The following P2RX3 variants were observed in gnomAD, a reference collection of about 807,000 sequenced individuals.
The protein encoded by P2RX3 is P2X purinoceptor 3.
In P2RX3, 41 loss-of-function variants were observed where a neutral mutation model predicts 51.5. That is an observed-to-expected ratio of 0.80 (90% CI 0.62 to 1.03). The LOEUF is 1.03. P2RX3 is among the 50% of genes least tolerant of loss of function. The pLI, the probability that P2RX3 is intolerant of heterozygous loss-of-function variation, is 0.00. For missense variants in P2RX3, 459 were observed against 522.1 expected, an observed-to-expected ratio of 0.88 and a Z score of 1.18; for synonymous variants, 185 against 191.6, an observed-to-expected ratio of 0.97 and a Z score of 0.29.
At chr11:57,356,579 G>A (rs1051964778) in intron 8 of P2RX3, among the ~76,000 whole-genome samples, 5 of 152,196 alleles carry the variant, frequency 3.3e-5, no homozygotes, top group African/African-American at 9.7e-5. Flanking sequence ...CGGAGATTTG[G>A]CGCCTGTCCT....
intron 9 of P2RX3, 135 bp downstream of exon 9, chr11:57,368,237 C>T: frequency 7.7e-7 from 1 of 1,297,684 alleles, no homozygotes; most frequent in South Asian, 1.2e-5. Context: ...GTCACTCTCC[C>T]ATCAATTCAC....
intron 10 of P2RX3, 75 bp from the exon 11 acceptor site, chr11:57,369,286 C>T: frequency 7.6e-7 from 1 of 1,319,462 alleles, no homozygotes; most frequent in South Asian, 1.3e-5. Context: ...CTGCCCGAGC[C>T]CAGCACTTCC....
At chr11:57,347,609 T>G in intron 4 of P2RX3, 131 bp downstream of exon 4, 2 of 1,018,678 alleles carry the variant, frequency 2.0e-6, no homozygotes, top group Non-Finnish European at 2.9e-6. Flanking sequence ...AGTTGCTCCC[T>G]GGGTGCCACA....
At chr11:57,348,396 G>A (rs1856481926) in intron 5 of P2RX3, 133 bp downstream of exon 5, 5 of 883,776 alleles carry the variant, frequency 5.7e-6, no homozygotes, top group Non-Finnish European at 8.5e-6. Context: ...TGGTGTGGGG[G>A]GTGGCCTCAG....
intron 1 of P2RX3, among the ~76,000 whole-genome samples, chr11:57,339,685 A>G (rs1399291127): frequency 6.6e-6 from 1 of 152,198 alleles, no homozygotes; most frequent in African/African-American, 2.4e-5. Flanking sequence ...CTCCAATCTT[A>G]TGCTGTTCTT....
chr11:57,353,282 T>C (rs79132737), intron 8 of P2RX3, among the ~76,000 whole-genome samples: 1 of 152,214 alleles, frequency 6.6e-6, no homozygotes, highest in African/African-American at 2.4e-5. Flanking sequence ...AGTCACCCTG[T>C]GTGCAAAACG....
At chr11:57,348,548 G>A in intron 5 of P2RX3, 79 bp from the exon 6 acceptor site, 1 of 1,235,064 alleles carries the variant, frequency 8.1e-7, no homozygotes, top group Non-Finnish European at 1.2e-6. Flanking sequence ...CATCCACCAG[G>A]AAAGGTCGCC....
intron 1 of P2RX3, among the ~76,000 whole-genome samples, chr11:57,343,560 G>T (rs540219943): frequency 7.2e-5 from 11 of 152,316 alleles, no homozygotes; most frequent in Admixed American, 4.6e-4. Context: ...TTCATGACAT[G>T]AAGGTAATAA....
chr11:57,370,903 TACA>T lies in P2RX3; in HGVS notation c.*913_*915del, dbSNP rs1277135039. 3.9e-5 allele frequency among the ~76,000 whole-genome samples: 6 copies of T among 152,220 alleles called. No homozygotes were observed. The highest frequency in any genetic ancestry group is 1.4e-4 in the African/African-American group (6 of 41,458). On this transcript the variant is annotated 3_prime_UTR_variant, in exon 12 of 12. Transcript: ENST00000263314. ...TTCCAGGAGTTCAGCAGTCCTCATTTACAACAACAGTGAAAATGCTCCAGTAAG... is the reference window on the plus strand; with the variant it reads ...TTCCAGGAGTTCAGCAGTCCTCATTTACAACAGTGAAAATGCTCCAGTAAG...
intron 7 of P2RX3, 88 bp from the exon 8 acceptor site, chr11:57,350,674 T>A (rs938754290): frequency 6.5e-7 from 1 of 1,541,562 alleles, no homozygotes; most frequent in African/African-American, 1.4e-5. Context: ...GGAAATCATT[T>A]GTCACCACCT....
intron 8 of P2RX3, among the ~76,000 whole-genome samples, chr11:57,352,018 G>A (rs1856556787): frequency 6.6e-6 from 1 of 152,042 alleles, no homozygotes; most frequent in Non-Finnish European, 1.5e-5. Context: ...AACAAATAGG[G>A]AGTGACCAGG....
intron 1 of P2RX3, among the ~76,000 whole-genome samples, chr11:57,343,923 G>A (rs1856386768): frequency 1.3e-5 from 2 of 152,208 alleles, no homozygotes; most frequent in Admixed American, 6.5e-5. Flanking sequence ...TGGGTTTCCT[G>A]TGACAGGGAG....
intron 1 of P2RX3, among the ~76,000 whole-genome samples, chr11:57,343,445 T>G (rs1382184689): frequency 6.6e-6 from 1 of 152,100 alleles, no homozygotes; most frequent in Non-Finnish European, 1.5e-5. Context: ...GACCTTCGAG[T>G]GAAGAGGCTG....
intron 10 of P2RX3, among the ~76,000 whole-genome samples, chr11:57,368,694 G>T (rs183158611): frequency 6.6e-6 from 1 of 152,298 alleles, no homozygotes. Flanking sequence ...CTGTTATAGA[G>T]TTCCCGTTTC....
intron 8 of P2RX3, among the ~76,000 whole-genome samples, chr11:57,367,155 G>A (rs774664246): frequency 2.0e-5 from 3 of 152,226 alleles, no homozygotes; most frequent in African/African-American, 4.8e-5. Flanking sequence ...CACCCCTGAC[G>A]TGTGTGGTTT....
Position 57,369,447 on chromosome 11 carries a change from G to C in P2RX3, c.1080+9G>C. Reference sequence around the variant, plus strand: ...CCAAGAAGTTTGAGGAGGTGAGTTGGGGAAGGGGCACCCTTGGATAAAAGG... The same window carrying C: ...CCAAGAAGTTTGAGGAGGTGAGTTGCGGAAGGGGCACCCTTGGATAAAAGG... On this transcript the variant is annotated intron_variant, in intron 11 of 11. Coordinates refer to ENST00000263314, the MANE Select transcript of P2RX3 (RefSeq NM_002559.5). 1.2e-6 allele frequency: 2 copies of C among 1,603,380 alleles called. No individual in the cohort carries two copies. Among genetic ancestry groups the C allele is most frequent in the Non-Finnish European group, 1.7e-6 (2 of 1,176,182 alleles).
intron 8 of P2RX3, among the ~76,000 whole-genome samples, chr11:57,363,629 C>T (rs564387532): frequency 6.6e-6 from 1 of 152,324 alleles, no homozygotes; most frequent in East Asian, 1.9e-4. Context: ...GGGGCCCCAG[C>T]TAAATGCAGG....
chr11:57,366,928 G>T (rs537623902), intron 8 of P2RX3, among the ~76,000 whole-genome samples: 3 of 152,026 alleles, frequency 2.0e-5, no homozygotes, highest in Non-Finnish European at 2.9e-5. Context: ...GGGTCCAATC[G>T]CCTCTTAAAG....
At chr11:57,343,459 G>T (rs1856378080) in intron 1 of P2RX3, among the ~76,000 whole-genome samples, 1 of 152,218 alleles carries the variant, frequency 6.6e-6, no homozygotes, top group Non-Finnish European at 1.5e-5. Context: ...GAGGCTGTGA[G>T]TGGTCTGGAG....
Sources: allele counts gnomAD v4.1 joint callset (sites outside exome capture counted in the v4.1 genomes callset), GRCh38; gene constraint gnomAD v4.1.1; transcripts MANE v1.5; gene names NCBI Gene and HGNC (gene_info 2026-07-23, HGNC 2026-07-21).